Variants in SEC24C observed in about 807,000 individuals in gnomAD.
The protein encoded by SEC24C is protein transport protein Sec24C.
In SEC24C, 22 loss-of-function variants were observed where a neutral mutation model predicts 117.0. The observed-to-expected ratio is 0.19, with a 90% confidence interval of 0.13 to 0.27. SEC24C has a LOEUF of 0.27. Among genes scored for constraint, SEC24C ranks in the 10% least tolerant of loss-of-function variants. The pLI is 1.00. For missense variants in SEC24C, 1,155 were observed against 1,375.1 expected (o/e 0.84, Z 2.53); for synonymous variants, 506 against 529.4 (o/e 0.96, Z 0.61).
At chr10:73,749,068 C>T (rs527499791) in intron 2 of SEC24C, among the ~76,000 whole-genome samples, 1 of 152,208 alleles carries the variant, frequency 6.6e-6, no homozygotes, top group South Asian at 2.1e-4. Flanking sequence ...AGATAAGGTA[C>T]TGTGTTTCTG....
chr10:73,752,017 C>T (rs1218805768), intron 3 of SEC24C: 1 of 152,226 alleles, frequency 6.6e-6, no homozygotes, highest in East Asian at 1.9e-4. Context: ...AGGGAAACCA[C>T]ATAAATGGTG....
intron 2 of SEC24C, among the ~76,000 whole-genome samples, chr10:73,748,598 G>A (rs1246735944): frequency 2.0e-5 from 3 of 147,458 alleles, no homozygotes; most frequent in Admixed American, 6.8e-5. Flanking sequence ...ACCACACCCG[G>A]CTAATGTTTT....
In SEC24C at chr10:73,766,198, A is replaced by G; in HGVS notation, c.1595A>G (p.Asp532Gly). 1 of 1,612,400 alleles carries G rather than the reference A, an allele frequency of 6.2e-7. No homozygotes were observed. Among genetic ancestry groups the G allele is most frequent in the Non-Finnish European group, 8.5e-7 (1 of 1,179,564 alleles). The change falls in exon 11 of 23, where the codon GAC becomes GGC. Residue 532 changes from aspartate (D) to glycine (G), a missense_variant. Physicochemically the swap from Asp to Gly is moderately conservative, Grantham distance 94. Transcript: ENST00000345254. ...TGTGAGGAGCTCAAGTCACTGTTAG[A>G]CTTTCTACCTAGGTGAGAGTTACAG... ...LLCEELKSLLDFLPREGGAEE... is the reference protein window; with the variant it reads ...LLCEELKSLLGFLPREGGAEE...
At chr10:73,754,141 G>A (rs752644390) in intron 3 of SEC24C, among the ~76,000 whole-genome samples, 8 of 152,158 alleles carry the variant, frequency 5.3e-5, no homozygotes, top group Non-Finnish European at 7.4e-5. Context: ...GAGGCTGGGT[G>A]TGGTGGCTTA....
In SEC24C at chr10:73,769,120, CGGCTCAATGAAGA is replaced by C; in HGVS notation, c.2394_2406del (p.Leu799AlafsTer27). On this transcript the variant is annotated frameshift_variant, in exon 17 of 23. Coordinates refer to ENST00000345254, the MANE Select transcript of SEC24C (RefSeq NM_198597.3). LOFTEE classifies it high-confidence loss of function. The surrounding 1 kb of genome is among the most constrained non-coding windows in gnomAD (Gnocchi z 4.5). Reference sequence around the variant, plus strand: ...GACTGTGGAGTTCAAGCATGACGATCGGCTCAATGAAGAGAGCGGAGCTCTCCTGCAGGTGGCA... The same window carrying C: ...GACTGTGGAGTTCAAGCATGACGATCGAGCGGAGCTCTCCTGCAGGTGGCA... The C allele has an allele frequency of 6.2e-7, 1 of 1,614,116 alleles. No individual in the cohort carries two copies. Among genetic ancestry groups the C allele is most frequent in the Non-Finnish European group, 8.5e-7 (1 of 1,180,018 alleles).
At chr10:73,756,840 C>T (rs930644017) in intron 3 of SEC24C, among the ~76,000 whole-genome samples, 5 of 148,318 alleles carry the variant, frequency 3.4e-5, no homozygotes, top group African/African-American at 7.5e-5. Flanking sequence ...TCAAGTGATT[C>T]ACCTGTGTTG....
chr10:73,759,593 A>C, intron 3 of SEC24C, 29 bp from the exon 4 acceptor site: 2 of 1,478,432 alleles, frequency 1.4e-6, no homozygotes, highest in Middle Eastern at 1.8e-4. Context: ...TGGCCCCACT[A>C]GTCACCTCTG....
chr10:73,769,407 C>G lies in SEC24C; in HGVS notation c.2485C>G (p.Leu829Val). 1.2e-6 allele frequency: 2 copies of G among 1,614,134 alleles called. No homozygotes were observed. The highest frequency in any genetic ancestry group is 1.7e-6 in the Non-Finnish European group (2 of 1,180,020). The change falls in exon 18 of 23, where the codon CTG becomes GTG. Residue 829 changes from leucine to valine, a missense_variant. Physicochemically the swap from Leu to Val is conservative, Grantham distance 32 (BLOSUM62 1). Around this residue, in one of 2 missense-constraint regions of SEC24C, gnomAD observed 759 missense variants for 992.3 expected, o/e 0.76. Transcript: ENST00000345254. This position sits in a 1 kb window ranked among gnomAD's most constrained non-coding sequence, Gnocchi z 4.5. ...QRRLRIHNLALNCCTQLADLY... is the reference protein window; with the variant it reads ...QRRLRIHNLAVNCCTQLADLY... ...TCGGCTCCGCATCCATAATCTGGCC[C>G]TGAACTGCTGCACCCAGCTGGCTGA...
rs567145300 is a variant in SEC24C, at chr10:73,760,926, G to A, written c.987+77G>A. The A allele has an allele frequency of 2.9e-6, 4 of 1,398,508 alleles. No homozygotes were observed. The African/African-American group carries it at 4.4e-5, about 15-fold the overall frequency. The allele number at this position is 1,398,508 out of a possible 1,614,324, so 86.6% of individuals were successfully genotyped here. A position where few individuals can be genotyped will look rare whatever the true frequency, so the allele number is the denominator to read the frequency against. Reference sequence around the variant, plus strand: ...GCAGGTCAATCTAGATGAAATGTTTGCCTAGCATTTTCTGATAATTTTCCC... The same window carrying A: ...GCAGGTCAATCTAGATGAAATGTTTACCTAGCATTTTCTGATAATTTTCCC... On this transcript the variant is annotated intron_variant, in intron 6 of 22. Transcript: ENST00000345254.
chr10:73,762,277 C>G lies in SEC24C; in HGVS notation c.988-1213C>G, dbSNP rs570056412. 3 of 700,662 alleles carry G rather than the reference C, an allele frequency of 4.3e-6. No individual in the cohort carries two copies. The Admixed American group carries it at 7.2e-5, about 17-fold the overall frequency. The allele number at this position is 700,662 out of a possible 1,614,324, so 43.4% of individuals were successfully genotyped here. A position where few individuals can be genotyped will look rare whatever the true frequency, so the allele number is the denominator to read the frequency against. The stretch of plus-strand genomic sequence containing the variant: ...TACCATGTCCATTCCTCCCCATTCT[C>G]TTCCTTTAGCCTAGCCCTTCTAGAT... On this transcript the variant is annotated intron_variant, in intron 6 of 22. Coordinates refer to ENST00000345254, the MANE Select transcript of SEC24C (RefSeq NM_198597.3).
chr10:73,748,496 C>T (rs528545865), intron 2 of SEC24C, among the ~76,000 whole-genome samples: 323 of 152,162 alleles, frequency 2.1e-3, no homozygotes, highest in African/African-American at 7.6e-3. Context: ...AGTGCAATGG[C>T]ACAATCTCAG....
chr10:73,768,931 T>G (rs1414544936), intron 16 of SEC24C, 25 bp downstream of exon 16: 1 of 1,614,130 alleles, frequency 6.2e-7, no homozygotes, highest in African/African-American at 1.3e-5. Context: ...AAGAGCAGGT[T>G]GGGGGGCTAA....
In SEC24C at chr10:73,769,266, T is replaced by C; in HGVS notation, c.2425-81T>C. 6.3e-7 allele frequency: 1 copy of C among 1,590,778 alleles called. No individual in the cohort carries two copies. Among genetic ancestry groups the C allele is most frequent in the Non-Finnish European group, 8.6e-7 (1 of 1,167,178 alleles). ...AGAGACAGGGCACGGGAGTGGCTCA[T>C]TTCTCTCTTCCAGTTTAATAGTGTA... On this transcript the variant is annotated intron_variant, in intron 17 of 22. Transcript: ENST00000345254. This position sits in a 1 kb window ranked among gnomAD's most constrained non-coding sequence, Gnocchi z 4.5.
intron 10 of SEC24C, 77 bp downstream of exon 10, chr10:73,765,992 C>T: frequency 1.3e-6 from 2 of 1,586,530 alleles, no homozygotes; most frequent in Non-Finnish European, 1.7e-6. Flanking sequence ...TCATTTCCCT[C>T]ACCCCTTTTT....
At chr10:73,765,764 G>C in intron 9 of SEC24C, 36 bp from the exon 10 acceptor site, 1 of 1,591,900 alleles carries the variant, frequency 6.3e-7, no homozygotes, top group African/African-American at 1.3e-5. Context: ...GATTGAAACT[G>C]GATCTTCGAG....
chr10:73,751,165 C>A lies in SEC24C; in HGVS notation c.230C>A (p.Pro77His). Residue 77 changes from proline to histidine, a missense_variant, in exon 3 of 23, where the codon CCT becomes CAT. Physicochemically the swap from Pro to His is moderately conservative, Grantham distance 77 (BLOSUM62 -2). Around this residue, in one of 2 missense-constraint regions of SEC24C, gnomAD observed 396 missense variants for 382.8 expected, o/e 1.03. Coordinates refer to ENST00000345254, the MANE Select transcript of SEC24C (RefSeq NM_198597.3). ...CCTCCAGCCTCAACAGCACAGGCTC[C>A]TTGTGGCCAGGCTGCATATGGCCAG... ...GAPPASTAQA[P>H]CGQAAYGQFG... 4 of 1,614,230 alleles carry A rather than the reference C, an allele frequency of 2.5e-6. No individual in the cohort carries two copies. Among genetic ancestry groups the A allele is most frequent in the Non-Finnish European group, 3.4e-6 (4 of 1,180,030 alleles).
chr10:73,769,065 G>A lies in SEC24C; in HGVS notation c.2337G>A (p.Glu779=). ...AFYMSNTTDV[E]LAGLDGDKTV... ...ACATGAGCAACACGACAGATGTGGA[G>A]CTGGCTGGGCTAGATGGGGACAAAA... The change falls in exon 17 of 23, where the codon GAG becomes GAA. Residue 779 remains glutamate, a synonymous_variant. Coordinates refer to ENST00000345254, the MANE Select transcript of SEC24C (RefSeq NM_198597.3). This position sits in a 1 kb window ranked among gnomAD's most constrained non-coding sequence, Gnocchi z 4.5. The A allele has an allele frequency of 6.2e-7, 1 of 1,614,276 alleles. No individual in the cohort carries two copies. Among genetic ancestry groups the A allele is most frequent in the Non-Finnish European group, 8.5e-7 (1 of 1,180,060 alleles).
intron 7 of SEC24C, 70 bp from the exon 8 acceptor site, chr10:73,763,786 A>G: frequency 6.7e-7 from 1 of 1,501,172 alleles, no homozygotes; most frequent in African/African-American, 1.4e-5. Context: ...GATGGTGTGG[A>G]TCACCAATGG....
Position 73,765,841 on chromosome 10 carries a change from C to T in SEC24C, c.1408C>T (p.Arg470Cys). The T allele has an allele frequency of 4.3e-6, 7 of 1,614,088 alleles. No homozygotes were observed. Among genetic ancestry groups the T allele is most frequent in the Non-Finnish European group, 5.9e-6 (7 of 1,180,004 alleles). ...YFQHLDHTGK[R>C]VDAYDRPELS... The stretch of plus-strand genomic sequence containing the variant: ...TCAGCACCTGGATCATACCGGCAAA[C>T]GTGTGGATGCTTATGACCGCCCTGA... Residue 470 changes from arginine to cysteine, a missense_variant, in exon 10 of 23, where the codon CGT (arginine) becomes TGT (cysteine). By Grantham distance (180) the Arg-to-Cys change is radical (BLOSUM62 -3). Transcript: ENST00000345254.
Sources: gnomAD v4.1 joint callset for allele counts (sites outside exome capture counted in the v4.1 genomes callset) on GRCh38, gnomAD v4.1.1 for gene constraint, gnomAD v4.1.1 regional missense constraint, Gnocchi (gnomAD v3.1) non-coding constraint, MANE v1.5 for transcripts, NCBI Gene and HGNC (gene_info 2026-07-23, HGNC 2026-07-21) for gene names.